Variants in AVEN observed in about 807,000 individuals in gnomAD.
AVEN encodes apoptosis and caspase activation inhibitor.
In AVEN, 41 loss-of-function variants were observed where a neutral mutation model predicts 38.1. The observed-to-expected ratio is 1.08, with a 90% CI of 0.84 to 1.40. AVEN has a LOEUF of 1.40. Ranked by LOEUF, AVEN falls within the 40% of genes most tolerant of loss-of-function variation. AVEN has a pLI of 0.00. For synonymous variants in AVEN, 206 were observed against 171.8 expected (o/e 1.20, Z -1.56); for missense variants, 605 against 438.8 (o/e 1.38, Z -3.38).
chr15:34,075,302 G>A (rs1031781798), upstream of AVEN, among the ~76,000 whole-genome samples: 3 of 152,168 alleles, frequency 2.0e-5, no homozygotes, highest in Non-Finnish European at 4.4e-5. Context: ...CAATCGCAGC[G>A]GAAGGGGAAG....
chr15:33,881,805 C>T (rs1279524796), intron 2 of AVEN, among the ~76,000 whole-genome samples: 1 of 152,226 alleles, frequency 6.6e-6, no homozygotes, highest in East Asian at 1.9e-4. Context: ...TTCCATTCCA[C>T]TCCAGCTTTA....
At chr15:33,987,895 C>T (rs910209998) in intron 2 of AVEN, among the ~76,000 whole-genome samples, 4 of 152,214 alleles carry the variant, frequency 2.6e-5, no homozygotes, top group Non-Finnish European at 5.9e-5. Flanking sequence ...CCAGGTCCTG[C>T]TGGGTCTGCA....
At chr15:33,949,894 G>A (rs1345317156) in intron 2 of AVEN, among the ~76,000 whole-genome samples, 6 of 152,044 alleles carry the variant, frequency 3.9e-5, no homozygotes, top group African/African-American at 9.7e-5. Flanking sequence ...TCAGTATCTC[G>A]AAAAGATACC....
chr15:33,998,639 A>G (rs1391328212), intron 2 of AVEN, among the ~76,000 whole-genome samples: 1 of 152,174 alleles, frequency 6.6e-6, no homozygotes, highest in African/African-American at 2.4e-5. Context: ...CACCACTCCA[A>G]CAAAACTGCA....
chr15:33,973,240 T>C (rs1895716353), intron 2 of AVEN, among the ~76,000 whole-genome samples: 1 of 152,212 alleles, frequency 6.6e-6, no homozygotes, highest in South Asian at 2.1e-4. Flanking sequence ...TAATGTGTTC[T>C]TTAAGAAGCA....
In AVEN at chr15:34,039,132, G is replaced by A. The variant is rs562056195; in HGVS notation, c.-86C>T. On this transcript the variant is annotated 5_prime_UTR_variant, in exon 1 of 6. Coordinates refer to ENST00000306730, the MANE Select transcript of AVEN (RefSeq NM_020371.3). ...CCCACCGGAAGCGGGCCGCACGGAG[G>A]AGCCGCGAGCGAAAGGCGCCCGGTA... 2,051 of 1,031,912 alleles carry A rather than the reference G, an allele frequency of 2.0e-3. 35 individuals carry two copies. In the African/African-American group the frequency reaches 0.033, roughly 17 times the overall value. 63.9% of individuals were successfully genotyped at this position (1,031,912 alleles called of 1,614,324 possible).
chr15:33,994,244 T>G (rs1300523037), intron 2 of AVEN, among the ~76,000 whole-genome samples: 1 of 152,232 alleles, frequency 6.6e-6, no homozygotes, highest in African/African-American at 2.4e-5. Context: ...TCGATTCTCA[T>G]AGGAGCCAAA....
chr15:34,009,563 A>T (rs7170890), intron 1 of AVEN, among the ~76,000 whole-genome samples: 16,076 of 152,246 alleles, frequency 0.11, 938 homozygotes, highest in East Asian at 0.24. Flanking sequence ...GAAAAAGCAT[A>T]AAAAAATTCT....
chr15:33,948,139 C>G (rs1002900978), intron 2 of AVEN, among the ~76,000 whole-genome samples: 1 of 150,472 alleles, frequency 6.6e-6, no homozygotes, highest in Non-Finnish European at 1.5e-5. Flanking sequence ...GCTCTGTCTC[C>G]CAGGCTGGAG....
At chr15:34,024,904 C>T (rs1029219920) in intron 1 of AVEN, among the ~76,000 whole-genome samples, 4 of 151,240 alleles carry the variant, frequency 2.6e-5, no homozygotes, top group Non-Finnish European at 5.9e-5. Flanking sequence ...GTGGCGAGGC[C>T]GGGCATGGTG....
intron 5 of AVEN, among the ~76,000 whole-genome samples, chr15:34,053,186 G>T (rs1443923852): frequency 6.6e-6 from 1 of 150,398 alleles, no homozygotes; most frequent in Non-Finnish European, 1.5e-5. Flanking sequence ...TACAGTCCCA[G>T]CTACTCAGGA....
intron 2 of AVEN, among the ~76,000 whole-genome samples, chr15:33,950,923 C>G (rs1894715707): frequency 6.6e-6 from 1 of 152,112 alleles, no homozygotes; most frequent in African/African-American, 2.4e-5. Flanking sequence ...AGGAGGATCA[C>G]TTGAGCCCAG....
intron 5 of AVEN, among the ~76,000 whole-genome samples, chr15:34,047,644 C>G (rs1051061079): frequency 6.6e-6 from 1 of 152,216 alleles, no homozygotes; most frequent in African/African-American, 2.4e-5. Context: ...CTCAGCCATT[C>G]TAGCTTGCGG....
intron 1 of AVEN, among the ~76,000 whole-genome samples, chr15:34,037,857 G>A (rs1899222029): frequency 6.6e-6 from 1 of 152,036 alleles, no homozygotes; most frequent in Non-Finnish European, 1.5e-5. Context: ...ACTTCAGTAA[G>A]AGCAAATTTT....
At chr15:33,902,491 A>G (rs555462371) in intron 2 of AVEN, among the ~76,000 whole-genome samples, 48 of 152,354 alleles carry the variant, frequency 3.2e-4, no homozygotes, top group African/African-American at 1.1e-3. Flanking sequence ...ATCAACAGGA[A>G]ACAAATGAAA....
chr15:34,037,325 T>A (rs1365937443), intron 1 of AVEN, among the ~76,000 whole-genome samples: 1 of 151,944 alleles, frequency 6.6e-6, no homozygotes, highest in East Asian at 1.9e-4. Context: ...TTGTTCTCAA[T>A]AAAGTGGTAA....
At chr15:33,983,215 C>CATGT (rs1896263145) in intron 2 of AVEN, among the ~76,000 whole-genome samples, 1 of 111,784 alleles carries the variant, frequency 8.9e-6, no homozygotes, top group Non-Finnish European at 1.7e-5. Context: ...TATATATATA[C>CATGT]ATATATATAC....
intron 1 of AVEN, among the ~76,000 whole-genome samples, chr15:34,035,204 T>A (rs1216345073): frequency 1.3e-5 from 2 of 152,234 alleles, no homozygotes; most frequent in Non-Finnish European, 2.9e-5. Context: ...ATTCTACTTT[T>A]TAGTACAACT....
At chr15:34,062,884 A>G in intron 5 of AVEN, 1 of 1,614,196 alleles carries the variant, frequency 6.2e-7, no homozygotes, top group South Asian at 1.1e-5. Context: ...ATCTCCTTCA[A>G]AGTCAACAGC....
Sources: gnomAD v4.1 joint callset for allele counts (sites outside exome capture counted in the v4.1 genomes callset) on GRCh38, gnomAD v4.1.1 for gene constraint, MANE v1.5 for transcripts, NCBI Gene and HGNC (gene_info 2026-07-23, HGNC 2026-07-21) for gene names.